The following OR4X2 variants were observed in gnomAD, a reference collection of about 807,000 sequenced individuals.
OR4X2 encodes the protein olfactory receptor family 4 subfamily X member 2.
For missense variants in OR4X2, 554 were observed against 359.5 expected (o/e 1.54, Z -4.38); for synonymous variants, 205 against 136.6 (o/e 1.50, Z -3.49).
Position 48,245,685 on chromosome 11 carries a change from T to C in OR4X2, c.582T>C (p.Asn194=), listed in dbSNP as rs765194663. The change falls in exon 1 of 1, where the codon AAT becomes AAC. Residue 194 remains asparagine, a synonymous_variant. Transcript: ENST00000624868. The part of the protein sequence containing the change: ...TFLIGLLIVA[N]GGTLSVISFG... ...TCATTGGTCTGCTGATTGTTGCCAATGGAGGCACCCTGTCTGTGATCAGTT... is the reference window on the plus strand; with the variant it reads ...TCATTGGTCTGCTGATTGTTGCCAACGGAGGCACCCTGTCTGTGATCAGTT... 9.3e-6 allele frequency: 15 copies of C among 1,614,174 alleles called. No homozygotes were observed. The highest frequency in any genetic ancestry group is 2.2e-5 in the East Asian group (1 of 44,880).
At position 48,245,815 on chromosome 11, in the gene OR4X2, GT is replaced by G; in HGVS notation, c.713del (p.Val238GlyfsTer14). 1 of 1,614,106 alleles carries G rather than the reference GT, an allele frequency of 6.2e-7. No individual in the cohort carries two copies. Among genetic ancestry groups the G allele is most frequent in the Non-Finnish European group, 8.5e-7 (1 of 1,180,028 alleles). Reference sequence around the variant, plus strand: ...CTCCACCTGTGGGTCCCATTTCGCTGTGGTTATCTTGTTCTTTGGGCCCTGC... The same window carrying G: ...CTCCACCTGTGGGTCCCATTTCGCTGGGTTATCTTGTTCTTTGGGCCCTGC... The part of the protein sequence containing the change: ...ALSTCGSHFA[V>X]VILFFGPCVF... On this transcript the variant is annotated frameshift_variant, in exon 1 of 1. Transcript: ENST00000624868. LOFTEE classifies it low-confidence loss of function (END_TRUNC).
Position 48,245,371 on chromosome 11 carries a change from A to T in OR4X2, c.268A>T (p.Met90Leu). Reference protein sequence around the residue: ...ERKVISWWGCMAQLFFLHFFG... With the variant: ...ERKVISWWGCLAQLFFLHFFG... Reference sequence around the variant, plus strand: ...GAAAGTCATATCTTGGTGGGGCTGCATGGCACAGCTTTTCTTCTTGCACTT... The same window carrying T: ...GAAAGTCATATCTTGGTGGGGCTGCTTGGCACAGCTTTTCTTCTTGCACTT... Residue 90 changes from methionine to leucine, a missense_variant, in exon 1 of 1, where the codon ATG becomes TTG. Physicochemically the swap from Met to Leu is conservative, Grantham distance 15. Coordinates refer to ENST00000624868, the MANE Select transcript of OR4X2 (RefSeq NM_001004727.1). 3 of 1,614,080 alleles carry T rather than the reference A, an allele frequency of 1.9e-6. No homozygotes were observed. Among genetic ancestry groups the T allele is most frequent in the African/African-American group, 2.7e-5 (2 of 75,020 alleles).
chr11:48,245,603 A>G lies in OR4X2; in HGVS notation c.500A>G (p.Asn167Ser), dbSNP rs372615455. The G allele has an allele frequency of 8.1e-6, 13 of 1,613,976 alleles. No individual in the cohort carries two copies. The African/African-American group carries it at 1.5e-4, about 18-fold the overall frequency. The part of the protein sequence containing the change: ...HLLFCGPNVI[N>S]HYFCDLVPLL... ...CTCTTCTGTGGCCCCAATGTGATCA[A>G]TCACTATTTCTGTGACCTAGTTCCC... is the stretch of plus-strand genomic sequence containing the variant. The change falls in exon 1 of 1, where the codon AAT (asparagine) becomes AGT (serine). Residue 167 changes from asparagine (N) to serine (S), a missense_variant. Transcript: ENST00000624868.
At position 48,245,380 on chromosome 11, in the gene OR4X2, C is replaced by G. The variant is rs1565358601; in HGVS notation, c.277C>G (p.Leu93Val). The change falls in exon 1 of 1, where the codon CTT (leucine) becomes GTT (valine). Residue 93 changes from leucine (L) to valine (V), a missense_variant. Transcript: ENST00000624868. ...VISWWGCMAQ[L>V]FFLHFFGGTE... is the part of the protein sequence containing the mutation. Reference sequence around the variant, plus strand: ...ATCTTGGTGGGGCTGCATGGCACAGCTTTTCTTCTTGCACTTCTTTGGTGG... The same window carrying G: ...ATCTTGGTGGGGCTGCATGGCACAGGTTTTCTTCTTGCACTTCTTTGGTGG... The G allele has an allele frequency of 6.2e-7, 1 of 1,614,148 alleles. No homozygotes were observed. The highest frequency in any genetic ancestry group is 2.2e-5 in the East Asian group (1 of 44,872).
chr11:48,245,533 G>T lies in OR4X2; in HGVS notation c.430G>T (p.Gly144Cys), dbSNP rs201146998. 6.2e-7 allele frequency: 1 copy of T among 1,614,064 alleles called. No homozygotes were observed. Among genetic ancestry groups the T allele is most frequent in the Non-Finnish European group, 8.5e-7 (1 of 1,179,956 alleles). The change falls in exon 1 of 1, where the codon GGC becomes TGC. Residue 144 changes from glycine (G) to cysteine (C), a missense_variant. Gly to Cys is a radical substitution (Grantham distance 159). Transcript: ENST00000624868. ...CCTTGTAGGAATAGCATGGGTGGGA[G>T]GCTTCATGCATTCCTTTGCACAAAT... ...TVLVGIAWVG[G>C]FMHSFAQILL...
At position 48,245,634 on chromosome 11, in the gene OR4X2, C is replaced by G; in HGVS notation, c.531C>G (p.Leu177=). The part of the protein sequence containing the change: ...NHYFCDLVPL[L]KLACSDTFLI... ...ATTTCTGTGACCTAGTTCCCCTTCT[C>G]AAACTTGCCTGCTCTGACACCTTCC... The change falls in exon 1 of 1, where the codon CTC becomes CTG. Residue 177 remains leucine, a synonymous_variant. Coordinates refer to ENST00000624868, the MANE Select transcript of OR4X2 (RefSeq NM_001004727.1). 6.2e-7 allele frequency: 1 copy of G among 1,614,158 alleles called. No homozygotes were observed. The highest frequency in any genetic ancestry group is 8.5e-7 in the Non-Finnish European group (1 of 1,180,002).
chr11:48,246,002 T>A lies in OR4X2; in HGVS notation c.899T>A (p.Leu300Gln). The stretch of plus-strand genomic sequence containing the variant: ...AGGCTGTGGATTAGGACATTGAGAC[T>A]AAATGAGAAATAGAGGCTGAGTCTT... ...MKRLWIRTLR[L>Q]NEK Residue 300 changes from leucine (L) to glutamine (Q), a missense_variant, in exon 1 of 1, where the codon CTA becomes CAA. Coordinates refer to ENST00000624868, the MANE Select transcript of OR4X2 (RefSeq NM_001004727.1). 6.2e-7 allele frequency: 1 copy of A among 1,612,090 alleles called. No individual in the cohort carries two copies. The highest frequency in any genetic ancestry group is 8.5e-7 in the Non-Finnish European group (1 of 1,179,012).
rs1167614869 is a variant in OR4X2, at chr11:48,245,328, A to G, written c.225A>G (p.Ser75=). The G allele has an allele frequency of 1.2e-6, 2 of 1,613,986 alleles. No individual in the cohort carries two copies. Among genetic ancestry groups the G allele is most frequent in the Non-Finnish European group, 8.5e-7 (1 of 1,179,976 alleles). Residue 75 remains serine, a synonymous_variant, in exon 1 of 1, where the codon TCA becomes TCG. Transcript: ENST00000624868. ...CCGCTACAGCCCCCAAACTCATCTC[A>G]GATCTGCTGGCTGAAAGGAAAGTCA... ...YSSATAPKLI[S]DLLAERKVIS... is the part of the protein sequence containing the mutation.
In OR4X2 at chr11:48,245,715, G is replaced by T. The variant is rs1482121258; in HGVS notation, c.612G>T (p.Gly204=). The change falls in exon 1 of 1, where the codon GGG becomes GGT. Residue 204 remains glycine (G), a synonymous_variant. Coordinates refer to ENST00000624868, the MANE Select transcript of OR4X2 (RefSeq NM_001004727.1). Reference sequence around the variant, plus strand: ...GCACCCTGTCTGTGATCAGTTTTGGGGTCCTCTTAGCATCCTATATGGTCA... The same window carrying T: ...GCACCCTGTCTGTGATCAGTTTTGGTGTCCTCTTAGCATCCTATATGGTCA... ...NGGTLSVISF[G]VLLASYMVIL... 1.1e-5 allele frequency: 17 copies of T among 1,614,114 alleles called. No homozygotes were observed. Among genetic ancestry groups the T allele is most frequent in the Middle Eastern group, 1.6e-4 (1 of 6,062 alleles).
chr11:48,245,259 C>A lies in OR4X2; in HGVS notation c.156C>A (p.Tyr52Ter). 6.2e-7 allele frequency: 1 copy of A among 1,614,164 alleles called. No individual in the cohort carries two copies. The highest frequency in any genetic ancestry group is 8.5e-7 in the Non-Finnish European group (1 of 1,180,028). The change falls in exon 1 of 1, where the codon TAC (tyrosine) becomes TAA (stop). Residue 52 changes from tyrosine to a stop codon, truncating the protein, a stop_gained. Coordinates refer to ENST00000624868, the MANE Select transcript of OR4X2 (RefSeq NM_001004727.1). LOFTEE classifies it low-confidence loss of function (END_TRUNC). ...MTSRSLGSPM[Y>*]FFLSYLSFME... ...GCAGAAGCCTTGGTTCCCCCATGTACTTCTTCCTCAGCTACCTCTCCTTCA... is the reference window on the plus strand; with the variant it reads ...GCAGAAGCCTTGGTTCCCCCATGTAATTCTTCCTCAGCTACCTCTCCTTCA...
In OR4X2 at chr11:48,245,856, G is replaced by A. The variant is rs1273920190; in HGVS notation, c.753G>A (p.Leu251=). 3.1e-6 allele frequency: 5 copies of A among 1,613,916 alleles called. No individual in the cohort carries two copies. The African/African-American group carries it at 5.3e-5, about 17-fold the overall frequency. The change falls in exon 1 of 1, where the codon CTG becomes CTA. Residue 251 remains leucine (L), a synonymous_variant. Coordinates refer to ENST00000624868, the MANE Select transcript of OR4X2 (RefSeq NM_001004727.1). ...TTGGGCCCTGCGTCTTCAACTCTCT[G>A]AGGCCTTCTACCACTCTGCCCATAG... ...LFFGPCVFNS[L]RPSTTLPIDK... is the part of the protein sequence containing the mutation.
Position 48,245,759 on chromosome 11 carries a change from C to A in OR4X2, c.656C>A (p.Thr219Asn), listed in dbSNP as rs779393192. The A allele has an allele frequency of 8.1e-6, 13 of 1,613,968 alleles. No individual in the cohort carries two copies. Among genetic ancestry groups the A allele is most frequent in the Middle Eastern group, 1.6e-4 (1 of 6,084 alleles). ...ATGGTCATCTTGCTCCATCTGAGAA[C>A]CTGGAGCTCTGAAGGGTGGTGCAAA... ...SYMVILLHLR[T>N]WSSEGWCKAL... Residue 219 changes from threonine (T) to asparagine (N), a missense_variant, in exon 1 of 1, where the codon ACC (threonine) becomes AAC (asparagine). Coordinates refer to ENST00000624868, the MANE Select transcript of OR4X2 (RefSeq NM_001004727.1).
Position 48,245,489 on chromosome 11 carries a change from A to G in OR4X2, c.386A>G (p.Asn129Ser), listed in dbSNP as rs1438736644. 6.2e-7 allele frequency: 1 copy of G among 1,614,138 alleles called. No homozygotes were observed. The highest frequency in any genetic ancestry group is 8.5e-7 in the Non-Finnish European group (1 of 1,180,022). Residue 129 changes from asparagine (N) to serine (S), a missense_variant, in exon 1 of 1, where the codon AAC (asparagine) becomes AGC (serine). Coordinates refer to ENST00000624868, the MANE Select transcript of OR4X2 (RefSeq NM_001004727.1). ...CCCCTCAGCTACACCACCATCATGA[A>G]CTGGCAGGTGTGTACTGTCCTTGTA... ...CKPLSYTTIM[N>S]WQVCTVLVGI...
Position 48,245,125 on chromosome 11 carries a change from G to C in OR4X2, c.22G>C (p.Val8Leu), listed in dbSNP as rs200217220. ...CAACATGACTGAATTCATTTTTCTG[G>C]TACTTTCTCCCAACCAGGAGGTGCA... MTEFIFL[V>L]LSPNQEVQRV... is the part of the protein sequence containing the mutation. Residue 8 changes from valine (V) to leucine (L), a missense_variant, in exon 1 of 1, where the codon GTA becomes CTA. By Grantham distance (32) the Val-to-Leu change is conservative. Transcript: ENST00000624868. 102 of 1,612,386 alleles carry C rather than the reference G, an allele frequency of 6.3e-5. No homozygotes were observed. Among genetic ancestry groups the C allele is most frequent in the Non-Finnish European group, 1.7e-5 (20 of 1,179,236 alleles).
Position 48,245,739 on chromosome 11 carries a change from C to G in OR4X2, c.636C>G (p.Val212=). Residue 212 remains valine (V), a synonymous_variant, in exon 1 of 1, where the codon GTC becomes GTG. Transcript: ENST00000624868. The part of the protein sequence containing the change: ...SFGVLLASYM[V]ILLHLRTWSS... Reference sequence around the variant, plus strand: ...GGGTCCTCTTAGCATCCTATATGGTCATCTTGCTCCATCTGAGAACCTGGA... The same window carrying G: ...GGGTCCTCTTAGCATCCTATATGGTGATCTTGCTCCATCTGAGAACCTGGA... 1.9e-6 allele frequency: 3 copies of G among 1,614,084 alleles called. No individual in the cohort carries two copies.
In OR4X2 at chr11:48,245,738, T is replaced by C; in HGVS notation, c.635T>C (p.Val212Ala). The C allele has an allele frequency of 6.2e-7, 1 of 1,614,108 alleles. No individual in the cohort carries two copies. Among genetic ancestry groups the C allele is most frequent in the Non-Finnish European group, 8.5e-7 (1 of 1,180,020 alleles). Reference sequence around the variant, plus strand: ...GGGGTCCTCTTAGCATCCTATATGGTCATCTTGCTCCATCTGAGAACCTGG... The same window carrying C: ...GGGGTCCTCTTAGCATCCTATATGGCCATCTTGCTCCATCTGAGAACCTGG... ...SFGVLLASYMVILLHLRTWSS... is the reference protein window; with the variant it reads ...SFGVLLASYMAILLHLRTWSS... Residue 212 changes from valine to alanine, a missense_variant, in exon 1 of 1, where the codon GTC (valine) becomes GCC (alanine). Transcript: ENST00000624868.
rs753938267 is a variant in OR4X2, at chr11:48,245,194, G to A, written c.91G>A (p.Val31Met). ...ATTTCTGTTCTTGTACACAGCAATT[G>A]TGCTGGGGAATTTCCTCATTGTGCT... ...VIFLFLYTAI[V>M]LGNFLIVLTV... The change falls in exon 1 of 1, where the codon GTG (valine) becomes ATG (methionine). Residue 31 changes from valine (V) to methionine (M), a missense_variant. Val to Met is a conservative substitution (Grantham distance 21, BLOSUM62 1). Coordinates refer to ENST00000624868, the MANE Select transcript of OR4X2 (RefSeq NM_001004727.1). 2 of 1,614,108 alleles carry A rather than the reference G, an allele frequency of 1.2e-6. No individual in the cohort carries two copies. The highest frequency in any genetic ancestry group is 1.7e-6 in the Non-Finnish European group (2 of 1,179,986).
Position 48,245,870 on chromosome 11 carries a change from C to T in OR4X2, c.767C>T (p.Thr256Ile). ...CVFNSLRPST[T>I]LPIDKMVAVF... ...TTCAACTCTCTGAGGCCTTCTACCACTCTGCCCATAGACAAGATGGTGGCT... is the reference window on the plus strand; with the variant it reads ...TTCAACTCTCTGAGGCCTTCTACCATTCTGCCCATAGACAAGATGGTGGCT... The change falls in exon 1 of 1, where the codon ACT becomes ATT. Residue 256 changes from threonine to isoleucine, a missense_variant. By Grantham distance (89) the Thr-to-Ile change is moderately conservative. Coordinates refer to ENST00000624868, the MANE Select transcript of OR4X2 (RefSeq NM_001004727.1). 6.2e-7 allele frequency: 1 copy of T among 1,614,138 alleles called. No individual in the cohort carries two copies. Among genetic ancestry groups the T allele is most frequent in the South Asian group, 1.1e-5 (1 of 91,082 alleles).
In OR4X2 at chr11:48,245,919, G is replaced by C; in HGVS notation, c.816G>C (p.Ala272=). The change falls in exon 1 of 1, where the codon GCG becomes GCC. Residue 272 remains alanine (A), a synonymous_variant. Transcript: ENST00000624868. ...MVAVFYTVIT[A]ILNPVIYSLR... ...CTGTGTTCTACACAGTGATAACCGC[G>C]ATCCTGAACCCTGTCATCTACTCTC... is the stretch of plus-strand genomic sequence containing the variant. 3 of 1,614,088 alleles carry C rather than the reference G, an allele frequency of 1.9e-6. No individual in the cohort carries two copies. The highest frequency in any genetic ancestry group is 1.7e-6 in the Non-Finnish European group (2 of 1,179,984).
Sources: allele counts gnomAD v4.1 joint callset, GRCh38; gene constraint gnomAD v4.1.1; transcripts MANE v1.5; gene names NCBI Gene and HGNC (gene_info 2026-07-23, HGNC 2026-07-21).